Variants in GYPE observed in about 807,000 individuals in gnomAD.
GYPE encodes glycophorin E (MNS blood group), also known as glycophorin-E.
A neutral mutation model predicts 11.6 loss-of-function variants in GYPE; 8 were observed. The ratio of observed to expected loss-of-function variants is 0.69; its 90% CI spans 0.41 to 1.25. The LOEUF (loss-of-function observed/expected upper bound fraction) is 1.25, where lower values mean the gene tolerates loss of function less well. GYPE is among the 50% of genes most tolerant of loss of function. GYPE has a pLI of 0.01. For synonymous variants in GYPE, 28 were observed against 29.6 expected (o/e 0.94, Z 0.18); for missense variants, 90 against 92.8 (o/e 0.97, Z 0.12).
At chr4:143,873,595 G>A (rs1440762132) in intron 3 of GYPE, 1 of 380,376 alleles carries the variant, frequency 2.6e-6, no homozygotes, top group Non-Finnish European at 5.2e-6. Flanking sequence ...AGACCATCTG[G>A]AAGAGACCCA....
intron 1 of GYPE, among the ~76,000 whole-genome samples, chr4:143,880,735 A>G (rs912081107): frequency 2.0e-5 from 3 of 152,204 alleles, no homozygotes; most frequent in Non-Finnish European, 2.9e-5. Context: ...TCTGCATGGC[A>G]GAGGTTTACA....
At chr4:143,897,012 T>C (rs6843299) in intron 1 of GYPE, among the ~76,000 whole-genome samples, 9,742 of 113,010 alleles carry the variant, frequency 0.086, 843 homozygotes, top group African/African-American at 0.23. Flanking sequence ...TGTTGTGGGG[T>C]GGGGGCAGGG....
At chr4:143,893,623 A>T (rs992018910) in intron 1 of GYPE, among the ~76,000 whole-genome samples, 29 of 152,148 alleles carry the variant, frequency 1.9e-4, no homozygotes, top group African/African-American at 6.8e-4. Flanking sequence ...TTCTTTAAGA[A>T]TGTTGAATAT....
At chr4:143,882,355 G>C (rs1744074245) in intron 1 of GYPE, among the ~76,000 whole-genome samples, 2 of 151,938 alleles carry the variant, frequency 1.3e-5, no homozygotes, top group Non-Finnish European at 2.9e-5. Context: ...ATTAAAGTAT[G>C]TAAAAATTAT....
chr4:143,878,332 T>C, intron 2 of GYPE, among the ~76,000 whole-genome samples: 1 of 152,242 alleles, frequency 6.6e-6, no homozygotes, highest in East Asian at 1.9e-4. Context: ...AGATAGATTT[T>C]GCCATATTGC....
intron 1 of GYPE, among the ~76,000 whole-genome samples, chr4:143,896,690 A>T (rs530083236): frequency 6.6e-6 from 1 of 152,318 alleles, no homozygotes; most frequent in African/African-American, 2.4e-5. Context: ...TCATGCTGCT[A>T]TAAAGACACA....
chr4:143,902,011 T>C (rs1160614805), intron 1 of GYPE, among the ~76,000 whole-genome samples: 1 of 152,094 alleles, frequency 6.6e-6, no homozygotes. Flanking sequence ...TGGGGATTCA[T>C]TGGGGTTTAC....
At chr4:143,877,005 T>A (rs1042127076) in intron 2 of GYPE, 150 bp from the exon 3 acceptor site, 11 of 640,806 alleles carry the variant, frequency 1.7e-5, no homozygotes, top group Non-Finnish European at 2.6e-5. Context: ...TTGTCTTTTT[T>A]AAAACTGTGT....
intron 2 of GYPE, among the ~76,000 whole-genome samples, chr4:143,878,914 A>T (rs1373967280): frequency 6.6e-6 from 1 of 152,174 alleles, no homozygotes; most frequent in East Asian, 1.9e-4. Context: ...AAATAAGCAA[A>T]TTGTCTTATA....
intron 1 of GYPE, among the ~76,000 whole-genome samples, chr4:143,891,433 A>T (rs1197530208): frequency 7.0e-6 from 1 of 143,540 alleles, no homozygotes; most frequent in Admixed American, 7.3e-5. Flanking sequence ...GGTTCACTCC[A>T]TTCTCCTGCC....
At chr4:143,880,364 A>T (rs752901557) in intron 2 of GYPE, 47 bp downstream of exon 2, 1 of 1,613,206 alleles carries the variant, frequency 6.2e-7, no homozygotes. Context: ...GTTGCATCAC[A>T]AAAACGATTT....
Position 143,904,428 on chromosome 4 carries a change from A to G in GYPE, c.37+1043T>C, listed in dbSNP as rs566690606. 6.5e-4 allele frequency among the ~76,000 whole-genome samples: 99 copies of G among 152,300 alleles called. 1 individual carries two copies. Among genetic ancestry groups the G allele is most frequent in the African/African-American group, 2.2e-3 (93 of 41,546 alleles). ...GACAAGGACACATAAAAATGTGGGC[A>G]CATAATTTGCCTTAATGTTCCCCAG... On this transcript the variant is annotated intron_variant, in intron 1 of 3. Coordinates refer to ENST00000358615, the MANE Select transcript of GYPE (RefSeq NM_198682.3).
intron 1 of GYPE, among the ~76,000 whole-genome samples, chr4:143,899,721 G>T (rs1240313482): frequency 7.1e-6 from 1 of 141,496 alleles, no homozygotes; most frequent in Admixed American, 7.5e-5. Flanking sequence ...ATGGGCAAAG[G>T]ATAGTCTCTT....
chr4:143,876,693 C>G (rs1247366570), intron 3 of GYPE, 53 bp downstream of exon 3: 1 of 866,376 alleles, frequency 1.2e-6, no homozygotes, highest in Non-Finnish European at 1.9e-6. Context: ...AATAAACCCT[C>G]CGAGAGCTGT....
At chr4:143,896,904 A>G (rs1488009118) in intron 1 of GYPE, among the ~76,000 whole-genome samples, 1 of 152,056 alleles carries the variant, frequency 6.6e-6, no homozygotes, top group South Asian at 2.1e-4. Context: ...AACTATCGCA[A>G]GGACAAAAAA....
intron 1 of GYPE, among the ~76,000 whole-genome samples, chr4:143,881,033 T>A (rs910997186): frequency 1.3e-5 from 2 of 152,114 alleles, no homozygotes; most frequent in Non-Finnish European, 2.9e-5. Context: ...CATATCTCAG[T>A]GTCTCCATCT....
rs1578947211 is a variant in GYPE at position 143,871,392 on chromosome 4, G to C, written c.*870C>G. The C allele has an allele frequency of 6.6e-6, 1 of 152,250 alleles. No individual in the cohort carries two copies. Among genetic ancestry groups the C allele is most frequent in the Middle Eastern group, 3.4e-3 (1 of 296 alleles). The allele number at this position is 152,250 out of a possible 1,614,324, so 9.4% of individuals were successfully genotyped here. A position where few individuals can be genotyped will look rare whatever the true frequency, so the allele number is the denominator to read the frequency against. ...TTCCATAAGTAGCCACTAGGACCAC[G>C]GCTGAAACCAAGAGGCACTGATTAC... On this transcript the variant is annotated 3_prime_UTR_variant, in exon 4 of 4. Transcript: ENST00000358615.
chr4:143,894,504 CTATT>C (rs1223409027), intron 1 of GYPE, among the ~76,000 whole-genome samples: 1 of 151,820 alleles, frequency 6.6e-6, no homozygotes, highest in Non-Finnish European at 1.5e-5. Flanking sequence ...GATGTCCTTT[CTATT>C]TGTTAGTTTT....
At chr4:143,896,722 G>A (rs1193778735) in intron 1 of GYPE, among the ~76,000 whole-genome samples, 3 of 152,136 alleles carry the variant, frequency 2.0e-5, no homozygotes, top group South Asian at 2.1e-4. Flanking sequence ...GTTTATTGCG[G>A]CACTATTCAC....
Sources: allele counts gnomAD v4.1 joint callset (sites outside exome capture counted in the v4.1 genomes callset), GRCh38; gene constraint gnomAD v4.1.1; transcripts MANE v1.5; gene names NCBI Gene and HGNC (gene_info 2026-07-23, HGNC 2026-07-21).